The following SLC35F4 variants were observed in gnomAD, a reference collection of about 807,000 sequenced individuals.
SLC35F4 encodes the protein solute carrier family 35 member F4.
Under a neutral mutation model 44.2 loss-of-function variants are expected in SLC35F4, and 24 were observed. The observed-to-expected ratio is 0.54, with a 90% CI of 0.39 to 0.76. The LOEUF is 0.76. SLC35F4 is among the 30% of genes least tolerant of loss of function. SLC35F4 has a pLI of 0.00. For missense variants in SLC35F4, 562 were observed against 586.1 expected, an observed-to-expected ratio of 0.96 and a Z score of 0.42; for synonymous variants, 238 against 223.6, an observed-to-expected ratio of 1.06 and a Z score of -0.57.
intron 1 of SLC35F4, among the ~76,000 whole-genome samples, chr14:57,740,504 G>A (rs2076578535): frequency 6.6e-6 from 1 of 152,162 alleles, no homozygotes; most frequent in African/African-American, 2.4e-5. Context: ...AAGGTTATGG[G>A]GGAGGAAGGA....
intron 1 of SLC35F4, among the ~76,000 whole-genome samples, chr14:57,804,994 C>G (rs529680975): frequency 5.3e-5 from 8 of 152,142 alleles, no homozygotes; most frequent in African/African-American, 1.9e-4. Context: ...AGAAGACATA[C>G]AGGTGGCCAA....
At chr14:57,777,755 T>G (rs977845400) in intron 1 of SLC35F4, among the ~76,000 whole-genome samples, 2 of 152,030 alleles carry the variant, frequency 1.3e-5, no homozygotes, top group African/African-American at 2.4e-5. Context: ...GTTGTACACA[T>G]GTACCCTGGA....
At chr14:57,614,363 G>T (rs1220248582) in intron 1 of SLC35F4, among the ~76,000 whole-genome samples, 4 of 152,090 alleles carry the variant, frequency 2.6e-5, no homozygotes, top group African/African-American at 9.7e-5. Flanking sequence ...TCTCAGTGTT[G>T]GTGCCCTGGA....
intron 1 of SLC35F4, among the ~76,000 whole-genome samples, chr14:57,850,133 A>G (rs1350790256): frequency 6.6e-6 from 1 of 152,242 alleles, no homozygotes; most frequent in African/African-American, 2.4e-5. Flanking sequence ...CTGTATGTGT[A>G]TATGAATGTC....
chr14:57,954,467 A>C (rs1361541515), intron 1 of SLC35F4, among the ~76,000 whole-genome samples: 1 of 152,208 alleles, frequency 6.6e-6, no homozygotes, highest in African/African-American at 2.4e-5. Context: ...ACCCTTCAAA[A>C]AATCAATGAA....
chr14:57,823,747 T>C (rs2140917075), intron 1 of SLC35F4, among the ~76,000 whole-genome samples: 1 of 152,238 alleles, frequency 6.6e-6, no homozygotes, highest in East Asian at 1.9e-4. Flanking sequence ...ACTGTTAAAG[T>C]ATGATGAATA....
At chr14:57,825,121 A>G (rs75838532) in intron 1 of SLC35F4, among the ~76,000 whole-genome samples, 27,219 of 151,958 alleles carry the variant, frequency 0.18, 3,444 homozygotes, top group African/African-American at 0.36. Flanking sequence ...TGGAGGTGGG[A>G]TCTGTATGGA....
intron 3 of SLC35F4, among the ~76,000 whole-genome samples, chr14:57,588,803 T>C (rs1338446403): frequency 1.3e-5 from 2 of 152,200 alleles, no homozygotes; most frequent in African/African-American, 2.4e-5. Context: ...CATTTTTTTC[T>C]GGGCTTGATG....
At chr14:57,849,718 T>G (rs867557975) in intron 1 of SLC35F4, among the ~76,000 whole-genome samples, 4 of 152,270 alleles carry the variant, frequency 2.6e-5, no homozygotes, top group Middle Eastern at 3.4e-3. Flanking sequence ...GACAAAGGGA[T>G]AGAAAACAGG....
intron 1 of SLC35F4, among the ~76,000 whole-genome samples, chr14:57,775,420 G>A (rs1217051498): frequency 6.6e-6 from 1 of 152,250 alleles, no homozygotes; most frequent in Non-Finnish European, 1.5e-5. Flanking sequence ...TGGTCCAGGA[G>A]CAAGCACCTC....
intron 1 of SLC35F4, among the ~76,000 whole-genome samples, chr14:57,670,947 C>A (rs1181230018): frequency 6.8e-6 from 1 of 147,642 alleles, no homozygotes. Context: ...CTCTGTCACC[C>A]AGGCTGGAGT....
At chr14:57,777,893 A>C (rs1011429859) in intron 1 of SLC35F4, among the ~76,000 whole-genome samples, 1 of 152,162 alleles carries the variant, frequency 6.6e-6, no homozygotes, top group Non-Finnish European at 1.5e-5. Context: ...TAAACTCAAA[A>C]AAGAGATGGA....
intron 1 of SLC35F4, among the ~76,000 whole-genome samples, chr14:57,661,858 C>T (rs1429175844): frequency 2.6e-5 from 4 of 152,120 alleles, no homozygotes; most frequent in Non-Finnish European, 4.4e-5. Context: ...CAAGTTCCCA[C>T]GTAATAATGA....
chr14:57,669,218 A>G (rs1462824203), intron 1 of SLC35F4, among the ~76,000 whole-genome samples: 1 of 151,940 alleles, frequency 6.6e-6, no homozygotes, highest in Non-Finnish European at 1.5e-5. Flanking sequence ...TATCAGCTTA[A>G]GGAGATTTTG....
At chr14:57,793,199 G>T (rs1458460672) in intron 1 of SLC35F4, among the ~76,000 whole-genome samples, 2 of 151,818 alleles carry the variant, frequency 1.3e-5, no homozygotes, top group South Asian at 4.2e-4. Context: ...GTGAATCTGA[G>T]AAAAATAACA....
chr14:57,672,795 T>G (rs1232739293), intron 1 of SLC35F4, among the ~76,000 whole-genome samples: 1 of 133,504 alleles, frequency 7.5e-6, no homozygotes. Flanking sequence ...TTTTTTTTTT[T>G]CACTTAGAAT....
At chr14:57,676,324 A>C (rs2074691243) in intron 1 of SLC35F4, among the ~76,000 whole-genome samples, 1 of 152,100 alleles carries the variant, frequency 6.6e-6, no homozygotes, top group Non-Finnish European at 1.5e-5. Flanking sequence ...GCAAACTAAC[A>C]CAGGAACGGA....
At chr14:57,699,654 T>C (rs937311330) in intron 1 of SLC35F4, among the ~76,000 whole-genome samples, 1 of 152,120 alleles carries the variant, frequency 6.6e-6, no homozygotes, top group Non-Finnish European at 1.5e-5. Flanking sequence ...TTAAGAAAAC[T>C]ACAGCAAAAC....
At chr14:57,606,956 T>C (rs1300021641) in intron 1 of SLC35F4, among the ~76,000 whole-genome samples, 2 of 152,232 alleles carry the variant, frequency 1.3e-5, no homozygotes, top group Non-Finnish European at 2.9e-5. Context: ...TAGCAGTGCC[T>C]GCCCCTCTGC....
Sources: gnomAD v4.1 joint callset for allele counts (sites outside exome capture counted in the v4.1 genomes callset) on GRCh38, gnomAD v4.1.1 for gene constraint, MANE v1.5 for transcripts, NCBI Gene and HGNC (gene_info 2026-07-23, HGNC 2026-07-21) for gene names.